The following SLC9A9 variants were observed in gnomAD, a reference collection of about 807,000 sequenced individuals.
SLC9A9 encodes solute carrier family 9 member A9.
In SLC9A9, 62 loss-of-function variants were observed where a neutral mutation model predicts 77.8. That is an observed-to-expected ratio of 0.80 (90% CI 0.65 to 0.98). The LOEUF is 0.98. Among genes scored for constraint, SLC9A9 ranks in the 50% least tolerant of loss-of-function variants. The pLI, the probability that SLC9A9 is intolerant of heterozygous loss-of-function variation, is 0.00. For missense variants in SLC9A9, 775 were observed against 774.9 expected (o/e 1.00, Z 0.00); for synonymous variants, 320 against 283.5 (o/e 1.13, Z -1.29).
At chr3:143,669,870 A>C (rs2039131890) in intron 5 of SLC9A9, among the ~76,000 whole-genome samples, 1 of 152,176 alleles carries the variant, frequency 6.6e-6, no homozygotes. Context: ...TTTATGCAAA[A>C]TGTTTGGCAT....
chr3:143,348,446 A>G (rs1408322013), intron 14 of SLC9A9, among the ~76,000 whole-genome samples: 4 of 152,310 alleles, frequency 2.6e-5, no homozygotes, highest in Middle Eastern at 6.8e-3. Flanking sequence ...TATTTACTAT[A>G]TGCCATCAAA....
At position 143,265,608 on chromosome 3, in the gene SLC9A9, T is replaced by C. The variant is rs908700085; in HGVS notation, c.*1094A>G. 5.0e-5 allele frequency: 17 copies of C among 337,294 alleles called. 1 individual carries two copies. Among genetic ancestry groups the C allele is most frequent in the African/African-American group, 2.5e-4 (12 of 47,392 alleles). 20.9% of individuals were successfully genotyped at this position (337,294 alleles called of 1,614,324 possible). A position where few individuals can be genotyped will look rare whatever the true frequency, so the allele number is the denominator to read the frequency against. On this transcript the variant is annotated 3_prime_UTR_variant, in exon 16 of 16. Transcript: ENST00000316549. ...AGGTGCTAGGCTTGAGGTATCTTTATGGCTTAAAAGGCACAGGTCATGCAG... is the reference window on the plus strand; with the variant it reads ...AGGTGCTAGGCTTGAGGTATCTTTACGGCTTAAAAGGCACAGGTCATGCAG...
intron 9 of SLC9A9, among the ~76,000 whole-genome samples, chr3:143,538,618 T>C (rs2036633035): frequency 6.6e-6 from 1 of 152,222 alleles, no homozygotes; most frequent in Non-Finnish European, 1.5e-5. Flanking sequence ...ACTGAAACTC[T>C]GCCAGGACTC....
At chr3:143,652,810 C>CACACACACACACACACACACAG (rs113827008) in intron 5 of SLC9A9, among the ~76,000 whole-genome samples, 1 of 148,160 alleles carries the variant, frequency 6.7e-6, no homozygotes, top group African/African-American at 2.5e-5. Context: ...CACACACACA[C>CACACACACACACACACACACAG]ACTTCTTGCT....
At chr3:143,532,272 C>T (rs1234460582) in intron 9 of SLC9A9, among the ~76,000 whole-genome samples, 7 of 152,138 alleles carry the variant, frequency 4.6e-5, no homozygotes, top group Admixed American at 6.5e-5. Flanking sequence ...AATATTCCCA[C>T]GATGGCAGAT....
At chr3:143,645,960 TACA>T (rs553328665) in intron 6 of SLC9A9, among the ~76,000 whole-genome samples, 86 of 152,248 alleles carry the variant, frequency 5.6e-4, no homozygotes, top group African/African-American at 1.9e-3. Context: ...TAGGTTTCAG[TACA>T]ACAATAGCAG....
chr3:143,744,329 G>A (rs926573258), intron 4 of SLC9A9, among the ~76,000 whole-genome samples: 24 of 152,020 alleles, frequency 1.6e-4, no homozygotes, highest in African/African-American at 4.6e-4. Context: ...GCCACTTCAC[G>A]CCCCTGTCAA....
chr3:143,442,501 CACCTG>C (rs1360130776), intron 12 of SLC9A9, among the ~76,000 whole-genome samples: 2 of 152,078 alleles, frequency 1.3e-5, no homozygotes, highest in Non-Finnish European at 2.9e-5. Flanking sequence ...GCGGGTAGAT[CACCTG>C]AGGTAGGAGT....
chr3:143,573,728 G>A (rs2037308281), intron 8 of SLC9A9, among the ~76,000 whole-genome samples: 1 of 152,092 alleles, frequency 6.6e-6, no homozygotes, highest in African/African-American at 2.4e-5. Context: ...GCCACTGAAA[G>A]CCACCACCCT....
chr3:143,266,446 T>C lies in SLC9A9; in HGVS notation c.*256A>G, dbSNP rs2289490. 0.21 allele frequency: 116,431 copies of C among 561,074 alleles called. 13,443 individuals carry two copies. The highest frequency in any genetic ancestry group is 0.35 in the East Asian group (11,204 of 31,866). 34.8% of individuals were successfully genotyped at this position (561,074 alleles called of 1,614,324 possible). ...CTCCAGCAGCTAGACTCCTGATACC[T>C]CCATCCCCACCCCAGCCAATCCAGT... On this transcript the variant is annotated 3_prime_UTR_variant, in exon 16 of 16. Coordinates refer to ENST00000316549, the MANE Select transcript of SLC9A9 (RefSeq NM_173653.4).
At chr3:143,752,608 G>A (rs2108825820) in intron 4 of SLC9A9, among the ~76,000 whole-genome samples, 1 of 152,012 alleles carries the variant, frequency 6.6e-6, no homozygotes, top group East Asian at 1.9e-4. Context: ...GTCCCCAAAA[G>A]CCAGCACAAG....
chr3:143,805,997 C>T (rs1049266504), intron 2 of SLC9A9, among the ~76,000 whole-genome samples: 2 of 152,038 alleles, frequency 1.3e-5, no homozygotes, highest in Non-Finnish European at 2.9e-5. Flanking sequence ...AATAAAAACT[C>T]ACTGATCTCT....
intron 4 of SLC9A9, among the ~76,000 whole-genome samples, chr3:143,790,153 C>G (rs1473216795): frequency 2.0e-5 from 3 of 152,172 alleles, no homozygotes; most frequent in Non-Finnish European, 4.4e-5. Context: ...CTCTCATTCT[C>G]TCTCTTGCCG....
chr3:143,475,251 G>A (rs939465316), intron 11 of SLC9A9, among the ~76,000 whole-genome samples: 9 of 151,892 alleles, frequency 5.9e-5, no homozygotes, highest in African/African-American at 2.2e-4. Flanking sequence ...ACAGGCGTGA[G>A]CCACTGTGCC....
intron 4 of SLC9A9, among the ~76,000 whole-genome samples, chr3:143,715,040 A>T (rs1375510245): frequency 2.6e-5 from 4 of 152,142 alleles, no homozygotes; most frequent in Non-Finnish European, 2.9e-5. Context: ...TCCGTGTAAG[A>T]CGTGACTTGT....
chr3:143,425,182 T>C (rs1050380120), intron 12 of SLC9A9, among the ~76,000 whole-genome samples: 4 of 151,596 alleles, frequency 2.6e-5, no homozygotes, highest in African/African-American at 9.7e-5. Flanking sequence ...ATTTAATAAA[T>C]GGAGGAAGTT....
At chr3:143,678,001 T>C (rs1932941272) in intron 5 of SLC9A9, among the ~76,000 whole-genome samples, 1 of 152,130 alleles carries the variant, frequency 6.6e-6, no homozygotes, top group Non-Finnish European at 1.5e-5. Flanking sequence ...TAATGTTTTG[T>C]ATTTTTAGTA....
At chr3:143,362,268 A>G (rs550652572) in intron 14 of SLC9A9, among the ~76,000 whole-genome samples, 1 of 152,342 alleles carries the variant, frequency 6.6e-6, no homozygotes, top group East Asian at 1.9e-4. Context: ...ATATCTGGCT[A>G]TAGATAACAG....
intron 11 of SLC9A9, among the ~76,000 whole-genome samples, chr3:143,479,736 C>T (rs1414199109): frequency 2.0e-5 from 3 of 152,168 alleles, no homozygotes; most frequent in Admixed American, 1.3e-4. Context: ...AGCCATGGGC[C>T]TTTGTCTTCT....
Sources: allele counts gnomAD v4.1 joint callset (sites outside exome capture counted in the v4.1 genomes callset), GRCh38; gene constraint gnomAD v4.1.1; transcripts MANE v1.5; gene names NCBI Gene and HGNC (gene_info 2026-07-23, HGNC 2026-07-21).